Variants in NAT10 observed in about 807,000 individuals in gnomAD.
NAT10 encodes the protein RNA cytidine acetyltransferase.
A neutral mutation model predicts 132.2 loss-of-function variants in NAT10; 109 were observed. The ratio of observed to expected loss-of-function variants is 0.82; its 90% CI spans 0.71 to 0.97. The LOEUF (loss-of-function observed/expected upper bound fraction) is 0.97, where lower values mean the gene tolerates loss of function less well. Among genes scored for constraint, NAT10 ranks in the 50% least tolerant of loss-of-function variants. NAT10 has a pLI of 0.00. For missense variants in NAT10, 1,184 were observed against 1,263.4 expected, an observed-to-expected ratio of 0.94 and a Z score of 0.95; for synonymous variants, 479 against 478.0, an observed-to-expected ratio of 1.00 and a Z score of -0.03.
At chr11:34,115,956 A>G in intron 6 of NAT10, 72 bp downstream of exon 6, 2 of 1,507,344 alleles carry the variant, frequency 1.3e-6, no homozygotes, top group Non-Finnish European at 1.8e-6. Flanking sequence ...GACTCAACTG[A>G]AAACTTTGCT....
intron 16 of NAT10, 64 bp downstream of exon 16, chr11:34,133,206 T>C: frequency 8.0e-7 from 1 of 1,243,628 alleles, no homozygotes; most frequent in East Asian, 2.4e-5. Flanking sequence ...CAGGAATTAG[T>C]GGCTTAATAA....
intron 11 of NAT10, among the ~76,000 whole-genome samples, chr11:34,125,825 G>A (rs184521269): frequency 1.4e-4 from 22 of 152,230 alleles, no homozygotes; most frequent in Admixed American, 3.3e-4. Flanking sequence ...TTAGCCAGGC[G>A]TGGTGGCATG....
chr11:34,136,866 C>G (rs1472358844), intron 20 of NAT10, 91 bp downstream of exon 20: 1 of 1,610,158 alleles, frequency 6.2e-7, no homozygotes, highest in African/African-American at 1.3e-5. Flanking sequence ...TAGCTGGTAT[C>G]GGTGCTAGCC....
chr11:34,127,612 G>A lies in NAT10; in HGVS notation c.1244+13G>A. 2 of 1,597,388 alleles carry A rather than the reference G, an allele frequency of 1.3e-6. No individual in the cohort carries two copies. The highest frequency in any genetic ancestry group is 8.6e-7 in the Non-Finnish European group (1 of 1,166,924). ...CCACCATCAATGGGTAAGGTACTGT[G>A]GGCAGGAGTCCTTACTCCCGTGGCA... On this transcript the variant is annotated intron_variant, in intron 12 of 28. Transcript: ENST00000257829.
Position 34,140,572 on chromosome 11 carries a change from G to A in NAT10, c.2592G>A (p.Ser864=), listed in dbSNP as rs367796116. The change falls in exon 24 of 29, where the codon TCG becomes TCA. Residue 864 remains serine (S), a splice_region_variant and synonymous_variant. Coordinates refer to ENST00000257829, the MANE Select transcript of NAT10 (RefSeq NM_024662.3). ...ACCTGGCCCTGTCTGCGGCTCAGTC[G>A]GTATGCTATCTGTTGCTTGCGTGGA... ...LGDLALSAAQ[S]ALLLGIGLQH... 46 of 1,613,328 alleles carry A rather than the reference G, an allele frequency of 2.9e-5. No individual in the cohort carries two copies. Among genetic ancestry groups the A allele is most frequent in the Middle Eastern group, 3.3e-4 (2 of 6,082 alleles).
At chr11:34,139,595 C>G (rs1852284983) in intron 23 of NAT10, 100 bp downstream of exon 23, 2 of 1,049,038 alleles carry the variant, frequency 1.9e-6, no homozygotes, top group Non-Finnish European at 2.9e-6. Context: ...AATTGAGGGA[C>G]TGGTTCTAGC....
intron 5 of NAT10, among the ~76,000 whole-genome samples, chr11:34,114,762 C>G (rs918870899): frequency 3.3e-5 from 5 of 152,228 alleles, no homozygotes; most frequent in Non-Finnish European, 5.9e-5. Flanking sequence ...GCAGCTCCGC[C>G]TGTCACTCCT....
rs557874837 is a variant in NAT10, at chr11:34,134,474, C to CTGTGTTG, written c.1837-37_1837-31dup. The CTGTGTTG allele has an allele frequency of 8.1e-5, 130 of 1,613,838 alleles. No individual in the cohort carries two copies. In the East Asian group the frequency reaches 2.2e-3, roughly 27 times the overall value. ...GGAAGCTGGTGGTGTCCAAAGATGT[C>CTGTGTTG]TGTGTTGCTAAGTTACTGGTTTGTG... On this transcript the variant is annotated intron_variant, in intron 17 of 28. Transcript: ENST00000257829.
At chr11:34,115,704 G>T in intron 5 of NAT10, 119 bp from the exon 6 acceptor site, 1 of 852,688 alleles carries the variant, frequency 1.2e-6, no homozygotes, top group South Asian at 1.7e-5. Context: ...GTGTGTGTGG[G>T]AGTGATTTTG....
At chr11:34,134,176 G>A in intron 16 of NAT10, 143 bp from the exon 17 acceptor site, 1 of 686,752 alleles carries the variant, frequency 1.5e-6, no homozygotes, top group African/African-American at 1.8e-5. Context: ...AAGAGCGGGG[G>A]GAATGGATGT....
rs1240168496 is a variant in NAT10, at chr11:34,142,116, C to G, written c.2812-159C>G. On this transcript the variant is annotated intron_variant, in intron 26 of 28. Coordinates refer to ENST00000257829, the MANE Select transcript of NAT10 (RefSeq NM_024662.3). ...AATGCATAGTTTATAACAGAGCTAC[C>G]TTAAAATAATCAAAGCTGCCTACAA... 5.6e-5 allele frequency: 39 copies of G among 701,236 alleles called. No individual in the cohort carries two copies. The Admixed American group carries it at 1.0e-3, about 18-fold the overall frequency. The allele number at this position is 701,236 out of a possible 1,614,324, so 43.4% of individuals were successfully genotyped here.
chr11:34,108,725 A>C lies in NAT10; in HGVS notation c.109-17A>C. 3 of 1,602,240 alleles carry C rather than the reference A, an allele frequency of 1.9e-6. No homozygotes were observed. Among genetic ancestry groups the C allele is most frequent in the Non-Finnish European group, 2.6e-6 (3 of 1,176,106 alleles). On this transcript the variant is annotated splice_polypyrimidine_tract_variant and intron_variant, in intron 2 of 28. Transcript: ENST00000257829. ...TCTCTTTTGTGCCTGAAATTCTGTG[A>C]CTTTTTTGTTTGGCAGGTGGTAATA...
chr11:34,124,767 G>A (rs2132953608), intron 11 of NAT10, among the ~76,000 whole-genome samples: 1 of 152,300 alleles, frequency 6.6e-6, no homozygotes, highest in South Asian at 2.1e-4. Context: ...TAACCTTACA[G>A]CTTAAATGAA....
chr11:34,122,401 G>A, intron 8 of NAT10, 58 bp from the exon 9 acceptor site: 2 of 1,607,624 alleles, frequency 1.2e-6, no homozygotes, highest in Non-Finnish European at 1.7e-6. Context: ...TGATGGTGAT[G>A]AATGGTGGAA....
At chr11:34,107,238 C>A (rs1418552509) in intron 1 of NAT10, 3 of 152,152 alleles carry the variant, frequency 2.0e-5, no homozygotes, top group Non-Finnish European at 4.4e-5. Context: ...GAATTCCTGA[C>A]CTCAGGTGAT....
In NAT10 at chr11:34,133,097, G is replaced by A; in HGVS notation, c.1689G>A (p.Val563=). 6.2e-7 allele frequency: 1 copy of A among 1,613,992 alleles called. No homozygotes were observed. The highest frequency in any genetic ancestry group is 1.1e-5 in the South Asian group (1 of 91,070). The change falls in exon 16 of 29, where the codon GTG becomes GTA. Residue 563 remains valine (V), a synonymous_variant. Coordinates refer to ENST00000257829, the MANE Select transcript of NAT10 (RefSeq NM_024662.3). Reference sequence around the variant, plus strand: ...ATCTCTTCTGCCTTCTGCCTCCCGTGCCCCCCACCCAGAATGCCCTTCCAG... The same window carrying A: ...ATCTCTTCTGCCTTCTGCCTCCCGTACCCCCCACCCAGAATGCCCTTCCAG... ...AHHLFCLLPP[V]PPTQNALPEV...
At chr11:34,112,581 A>G (rs1302936916) in intron 4 of NAT10, among the ~76,000 whole-genome samples, 2 of 152,200 alleles carry the variant, frequency 1.3e-5, no homozygotes, top group African/African-American at 2.4e-5. Context: ...CCAGTGAGCA[A>G]TGGGACTTGT....
chr11:34,129,856 G>A (rs1852073389), intron 12 of NAT10, among the ~76,000 whole-genome samples: 1 of 151,830 alleles, frequency 6.6e-6, no homozygotes, highest in African/African-American at 2.4e-5. Context: ...TGATCTACCC[G>A]CCTCGGCCTC....
At chr11:34,141,936 G>C in intron 26 of NAT10, 119 bp downstream of exon 26, 2 of 830,724 alleles carry the variant, frequency 2.4e-6, no homozygotes, top group Non-Finnish European at 3.8e-6. Flanking sequence ...ATTGAGCTAA[G>C]TGCTATTCTG....
Sources: allele counts gnomAD v4.1 joint callset (sites outside exome capture counted in the v4.1 genomes callset), GRCh38; gene constraint gnomAD v4.1.1; transcripts MANE v1.5; gene names NCBI Gene and HGNC (gene_info 2026-07-23, HGNC 2026-07-21).